Variants in CUX1 observed in about 807,000 individuals in gnomAD.
CUX1 encodes the protein cut like homeobox 1.
CUX1 carries 31 observed loss-of-function variants against 158.8 expected under a neutral mutation model. The observed-to-expected ratio is 0.20, with a 90% CI of 0.15 to 0.26. The LOEUF (loss-of-function observed/expected upper bound fraction) is 0.26. Among genes scored for constraint, CUX1 ranks in the 10% least tolerant of loss-of-function variants. The pLI, the probability that CUX1 is intolerant of heterozygous loss-of-function variation, is 1.00. For synonymous variants in CUX1, 879 were observed against 862.1 expected, an observed-to-expected ratio of 1.02 and a Z score of -0.34; for missense variants, 1,589 against 2,014.6, an observed-to-expected ratio of 0.79 and a Z score of 4.04.
intron 8 of CUX1, among the ~76,000 whole-genome samples, chr7:102,121,596 T>C (rs1287859734): frequency 1.3e-5 from 2 of 152,212 alleles, no homozygotes; most frequent in East Asian, 3.8e-4. Flanking sequence ...TCTGCCCGCC[T>C]TGGCCTCCTG....
intron 1 of CUX1, among the ~76,000 whole-genome samples, chr7:101,833,030 AT>A (rs1243336055): frequency 1.9e-4 from 29 of 152,100 alleles, no homozygotes; most frequent in African/African-American, 5.8e-4. Flanking sequence ...CCCTGAGAGC[AT>A]TCTTCTCTGA....
At chr7:102,267,003 A>C (rs1790856442) in intron 14 of CUX1, among the ~76,000 whole-genome samples, 1 of 152,162 alleles carries the variant, frequency 6.6e-6, no homozygotes, top group African/African-American at 2.4e-5. Flanking sequence ...CCGGTGCTGC[A>C]GGAGAGGGTG....
At chr7:102,020,127 T>G (rs1819171956) in intron 2 of CUX1, among the ~76,000 whole-genome samples, 1 of 152,252 alleles carries the variant, frequency 6.6e-6, no homozygotes, top group Non-Finnish European at 1.5e-5. Context: ...CTAAAATCTT[T>G]GAGAAATTGC....
intron 3 of CUX1, among the ~76,000 whole-genome samples, chr7:102,040,123 A>G (rs1360526798): frequency 6.6e-6 from 1 of 152,180 alleles, no homozygotes; most frequent in Non-Finnish European, 1.5e-5. Flanking sequence ...GTCAACTAGG[A>G]TCCTGCTATT....
rs559189690 is a variant in CUX1 at position 102,211,082 on chromosome 7, G to A, written c.3130+5912G>A. Among the ~76,000 whole-genome samples the A allele has an allele frequency of 3.3e-5, 5 of 152,292 alleles. No homozygotes were observed. The East Asian group carries it at 9.6e-4, about 29-fold the overall frequency. The stretch of plus-strand genomic sequence containing the variant: ...TCATGGCTAACAGTCAGTGTCGGGG[G>A]CATGTGGATAGCATGTTCATAGGGA... On this transcript the variant is annotated intron_variant, in intron 20 of 23. Coordinates refer to ENST00000292535, the MANE Select transcript of CUX1 (RefSeq NM_181552.4).
intron 1 of CUX1, among the ~76,000 whole-genome samples, chr7:101,852,636 A>T (rs527765331): frequency 1.3e-4 from 19 of 150,354 alleles, no homozygotes; most frequent in Admixed American, 2.7e-4. Flanking sequence ...AAAAAATTTT[A>T]AAAAAGTTTT....
At chr7:101,917,521 T>C (rs1227926190) in intron 2 of CUX1, among the ~76,000 whole-genome samples, 1 of 151,890 alleles carries the variant, frequency 6.6e-6, no homozygotes, top group Non-Finnish European at 1.5e-5. Context: ...TGCTTGGGGG[T>C]TTCTGCCTTC....
chr7:102,243,652 A>ATAG (rs1800472667), intron 23 of CUX1, among the ~76,000 whole-genome samples: 2 of 146,008 alleles, frequency 1.4e-5, no homozygotes, highest in Admixed American at 1.4e-4. Context: ...AATAATAATA[A>ATAG]TAATAATAAT....
intron 14 of CUX1, among the ~76,000 whole-genome samples, chr7:102,265,353 T>A (rs1305355307): frequency 3.2e-5 from 3 of 94,946 alleles, no homozygotes; most frequent in East Asian, 2.3e-4. Flanking sequence ...CAAAAATCTG[T>A]CTCAAAAAAA....
At chr7:101,870,010 C>A (rs1157373348) in intron 1 of CUX1, among the ~76,000 whole-genome samples, 1 of 151,918 alleles carries the variant, frequency 6.6e-6, no homozygotes, top group Non-Finnish European at 1.5e-5. Context: ...CTTTTCTGAC[C>A]CCCTCCTGAG....
In CUX1 at chr7:102,273,504, C is replaced by A. The variant is rs1554546854; in HGVS notation, c.1383+11C>A. 4.4e-6 allele frequency: 7 copies of A among 1,603,150 alleles called. No individual in the cohort carries two copies. In the Admixed American group the frequency reaches 5.0e-5, roughly 12 times the overall value. ...CGGCCCGATGCCGAGGTGAGCCCAC[C>A]CCCCTGCCCCATGCCCATCTCGATA... On this transcript the variant is annotated intron_variant, in intron 15 of 22. Coordinates refer to the CUX1 transcript ENST00000292538.
chr7:102,011,209 T>C (rs1423393630), intron 2 of CUX1, among the ~76,000 whole-genome samples: 1 of 152,206 alleles, frequency 6.6e-6, no homozygotes, highest in Non-Finnish European at 1.5e-5. Context: ...GGTGTATTCA[T>C]GCCAAGGATT....
In CUX1 at chr7:102,201,698, G is replaced by A. The variant is rs782194580; in HGVS notation, c.2401G>A (p.Asp801Asn). ...APGLDPQGAA[D>N]CAQGVLRQVK... ...CGGGCTGGACCCCCAGGGAGCAGCC[G>A]ATTGTGCACAAGGGGTCCTGAGACA... is the stretch of plus-strand genomic sequence containing the variant. The change falls in exon 18 of 24, where the codon GAT (aspartate) becomes AAT (asparagine). Residue 801 changes from aspartate (D) to asparagine (N), a missense_variant. Asp to Asn is a conservative substitution (Grantham distance 23). Around this residue, in one of 8 missense-constraint regions of CUX1, gnomAD observed 337 missense variants for 409.3 expected, o/e 0.82. Coordinates refer to ENST00000292535, the MANE Select transcript of CUX1 (RefSeq NM_181552.4). The surrounding 1 kb of genome is among the most constrained non-coding windows in gnomAD (Gnocchi z 5.0). 13 of 1,612,516 alleles carry A rather than the reference G, an allele frequency of 8.1e-6. No individual in the cohort carries two copies. Among genetic ancestry groups the A allele is most frequent in the South Asian group, 1.1e-5 (1 of 91,082 alleles).
chr7:102,252,145 C>T lies in CUX1; in HGVS notation c.*3103C>T. The T allele has an allele frequency of 1.0e-6, 1 of 985,020 alleles. No homozygotes were observed. The highest frequency in any genetic ancestry group is 1.2e-6 in the Non-Finnish European group (1 of 829,668). 61.0% of individuals were successfully genotyped at this position (985,020 alleles called of 1,614,324 possible). A position where few individuals can be genotyped will look rare whatever the true frequency, so the allele number is the denominator to read the frequency against. On this transcript the variant is annotated 3_prime_UTR_variant, in exon 24 of 24. Coordinates refer to ENST00000292535, the MANE Select transcript of CUX1 (RefSeq NM_181552.4). ...TATTTTTTTAAAAAAAATAGAGATCCTAACCTTAGATCTTTGATGTGAAGC... is the reference window on the plus strand; with the variant it reads ...TATTTTTTTAAAAAAAATAGAGATCTTAACCTTAGATCTTTGATGTGAAGC...
At chr7:101,818,140 T>G (rs1404778255) in intron 1 of CUX1, among the ~76,000 whole-genome samples, 1 of 152,224 alleles carries the variant, frequency 6.6e-6, no homozygotes, top group Non-Finnish European at 1.5e-5. Context: ...GATTAAAACT[T>G]AAAGGAGTTT....
chr7:102,253,661 C>T lies in CUX1; in HGVS notation c.*4619C>T, dbSNP rs1386081652. 4.1e-6 allele frequency: 4 copies of T among 983,594 alleles called. No individual in the cohort carries two copies. The African/African-American group carries it at 5.4e-5, about 13-fold the overall frequency. 60.9% of individuals were successfully genotyped at this position (983,594 alleles called of 1,614,324 possible). ...CACACAAAAGCAGAGAGATTTTGAA[C>T]TGAGGGGCGACAGCCTTTGCCTTAA... On this transcript the variant is annotated 3_prime_UTR_variant, in exon 24 of 24. Transcript: ENST00000292535.
At chr7:102,031,640 C>T (rs546771646) in intron 3 of CUX1, among the ~76,000 whole-genome samples, 11 of 152,052 alleles carry the variant, frequency 7.2e-5, no homozygotes, top group Middle Eastern at 3.4e-3. Context: ...ATCAAGCCTC[C>T]GCTAATTTAT....
chr7:102,110,292 T>A (rs1830745625), intron 6 of CUX1, among the ~76,000 whole-genome samples: 1 of 152,244 alleles, frequency 6.6e-6, no homozygotes, highest in Non-Finnish European at 1.5e-5. Context: ...ATTTATATTG[T>A]GCTATAGTGT....
chr7:102,110,643 ATTTG>A lies in CUX1; in HGVS notation c.531-1052_531-1049del, dbSNP rs547148876. Among the ~76,000 whole-genome samples, 51 of 152,274 alleles carry A rather than the reference ATTTG, an allele frequency of 3.3e-4. 1 individual carries two copies. The South Asian group carries it at 0.01, about 31-fold the overall frequency. ...ACATATTAGTTCATAGTACACTATCATTTGTTATGCATTAATTTCTATTATGCTA... is the reference window on the plus strand; with the variant it reads ...ACATATTAGTTCATAGTACACTATCATTATGCATTAATTTCTATTATGCTA... On this transcript the variant is annotated intron_variant, in intron 6 of 23. Coordinates refer to ENST00000292535, the MANE Select transcript of CUX1 (RefSeq NM_181552.4).
Sources: allele counts gnomAD v4.1 joint callset (sites outside exome capture counted in the v4.1 genomes callset), GRCh38; gene constraint gnomAD v4.1.1; regional missense constraint gnomAD v4.1.1; non-coding constraint Gnocchi (gnomAD v3.1); transcripts MANE v1.5; gene names NCBI Gene and HGNC (gene_info 2026-07-23, HGNC 2026-07-21).